Variants in DOCK1 observed in about 807,000 individuals in gnomAD.
The protein encoded by DOCK1 is dedicator of cytokinesis 1, also known as dedicator of cytokinesis protein 1.
DOCK1 carries 138 observed loss-of-function variants against 262.7 expected under a neutral mutation model. That is an observed-to-expected ratio of 0.53 (90% CI 0.46 to 0.61). DOCK1 has a LOEUF of 0.61. Among genes scored for constraint, DOCK1 ranks in the 20% least tolerant of loss-of-function variants. DOCK1 has a pLI of 0.00. For synonymous variants in DOCK1, 866 were observed against 867.4 expected, an observed-to-expected ratio of 1.00 and a Z score of 0.03; for missense variants, 1,908 against 2,370.7, an observed-to-expected ratio of 0.80 and a Z score of 4.05.
At chr10:127,391,174 G>A (rs1041840751) in intron 38 of DOCK1, among the ~76,000 whole-genome samples, 3 of 152,158 alleles carry the variant, frequency 2.0e-5, no homozygotes, top group Non-Finnish European at 2.9e-5. Context: ...AATGTATGTC[G>A]AAATGGCAAG....
chr10:127,141,329 C>T (rs919437600), intron 27 of DOCK1, among the ~76,000 whole-genome samples: 2 of 152,154 alleles, frequency 1.3e-5, no homozygotes, highest in Non-Finnish European at 2.9e-5. Context: ...TTTCTGTTTC[C>T]AGCAACTATA....
At chr10:127,020,420 G>A (rs1452741689) in intron 13 of DOCK1, among the ~76,000 whole-genome samples, 1 of 152,074 alleles carries the variant, frequency 6.6e-6, no homozygotes, top group East Asian at 1.9e-4. Flanking sequence ...GCCCGGCGTG[G>A]TGGTGAGTGC....
chr10:127,008,471 G>C (rs2041193136), intron 10 of DOCK1, among the ~76,000 whole-genome samples: 1 of 152,182 alleles, frequency 6.6e-6, no homozygotes, highest in Non-Finnish European at 1.5e-5. Flanking sequence ...ATTGGACAGG[G>C]CAGCTCTAGG....
At chr10:127,021,259 A>T (rs1037648803) in intron 13 of DOCK1, among the ~76,000 whole-genome samples, 1 of 152,140 alleles carries the variant, frequency 6.6e-6, no homozygotes, top group African/African-American at 2.4e-5. Context: ...TCTGCCTCCC[A>T]GTTTCAAGCA....
chr10:127,090,066 G>A (rs1004325041), intron 23 of DOCK1, among the ~76,000 whole-genome samples: 1 of 152,132 alleles, frequency 6.6e-6, no homozygotes, highest in Non-Finnish European at 1.5e-5. Flanking sequence ...GGGAGGTGTG[G>A]GCGGCAGTTC....
intron 51 of DOCK1, among the ~76,000 whole-genome samples, chr10:127,449,820 C>T (rs1565101207): frequency 6.6e-6 from 1 of 152,172 alleles, no homozygotes; most frequent in Non-Finnish European, 1.5e-5. Flanking sequence ...TTAGTTGTTG[C>T]CACTAAGCTG....
intron 12 of DOCK1, 128 bp from the exon 13 acceptor site, chr10:127,018,582 A>G: frequency 6.9e-7 from 1 of 1,459,084 alleles, no homozygotes; most frequent in Non-Finnish European, 9.4e-7. Context: ...TTTCTCATAT[A>G]CCCACCTTTT....
chr10:126,985,130 G>A (rs541744712), intron 4 of DOCK1, among the ~76,000 whole-genome samples: 8 of 152,056 alleles, frequency 5.3e-5, no homozygotes, highest in East Asian at 1.9e-4. Context: ...ACAGGCGCAC[G>A]CCACCATGCC....
At chr10:127,084,623 C>T (rs535768607) in intron 23 of DOCK1, among the ~76,000 whole-genome samples, 8 of 152,314 alleles carry the variant, frequency 5.3e-5, no homozygotes, top group African/African-American at 1.9e-4. Context: ...TGAATGTCTG[C>T]ACAAAATGTA....
intron 47 of DOCK1, among the ~76,000 whole-genome samples, chr10:127,428,515 T>G (rs2068973750): frequency 6.9e-6 from 1 of 144,622 alleles, no homozygotes; most frequent in Admixed American, 6.9e-5. Context: ...TGGATTGGGG[T>G]GCCATGTCGA....
At chr10:127,079,753 A>G (rs941077565) in intron 23 of DOCK1, among the ~76,000 whole-genome samples, 1 of 152,154 alleles carries the variant, frequency 6.6e-6, no homozygotes, top group Non-Finnish European at 1.5e-5. Context: ...CAATGTGGTG[A>G]AACCCTTTCT....
chr10:127,404,273 C>T (rs1393811873), intron 39 of DOCK1, 52 bp from the exon 40 acceptor site: 3 of 1,486,550 alleles, frequency 2.0e-6, no homozygotes, highest in Non-Finnish European at 2.8e-6. Flanking sequence ...AATCCAGAGG[C>T]ACACATGCTT....
At chr10:127,154,969 T>A (rs2052896163) in intron 27 of DOCK1, among the ~76,000 whole-genome samples, 1 of 152,186 alleles carries the variant, frequency 6.6e-6, no homozygotes, top group Non-Finnish European at 1.5e-5. Context: ...CTCTCTGACA[T>A]TTTTAACATG....
intron 51 of DOCK1, among the ~76,000 whole-genome samples, chr10:127,447,911 A>G (rs973768515): frequency 2.0e-5 from 3 of 152,176 alleles, no homozygotes; most frequent in African/African-American, 7.2e-5. Flanking sequence ...CTTTTCTATC[A>G]AGAGGTCTGA....
chr10:127,098,881 A>G, intron 23 of DOCK1, among the ~76,000 whole-genome samples: 1 of 152,168 alleles, frequency 6.6e-6, no homozygotes, highest in East Asian at 1.9e-4. Context: ...GAATTTAGTG[A>G]AGCAGCCAGA....
chr10:127,043,903 T>C (rs888635782), intron 21 of DOCK1, among the ~76,000 whole-genome samples: 1 of 152,208 alleles, frequency 6.6e-6, no homozygotes, highest in African/African-American at 2.4e-5. Flanking sequence ...GTGTGGAAAT[T>C]TTAATAAGTT....
At chr10:127,184,313 T>TCC (rs112656641) in intron 27 of DOCK1, among the ~76,000 whole-genome samples, 82 of 148,452 alleles carry the variant, frequency 5.5e-4, no homozygotes, top group African/African-American at 1.9e-3. Flanking sequence ...CTCAATTCAT[T>TCC]CCCCCCCCAG....
intron 28 of DOCK1, among the ~76,000 whole-genome samples, chr10:127,248,534 A>T (rs1342042975): frequency 6.6e-6 from 1 of 152,246 alleles, no homozygotes; most frequent in Non-Finnish European, 1.5e-5. Flanking sequence ...AGCTGTAATC[A>T]TGGAAGCTCA....
chr10:127,070,078 C>T (rs1448690633), intron 23 of DOCK1, among the ~76,000 whole-genome samples: 1 of 151,946 alleles, frequency 6.6e-6, no homozygotes, highest in Non-Finnish European at 1.5e-5. Flanking sequence ...CCCCCGTCTT[C>T]ACGCAGCACT....
Sources: gnomAD v4.1 joint callset for allele counts (sites outside exome capture counted in the v4.1 genomes callset) on GRCh38, gnomAD v4.1.1 for gene constraint, MANE v1.5 for transcripts, NCBI Gene and HGNC (gene_info 2026-07-23, HGNC 2026-07-21) for gene names.